Variants in IRAG2 observed in about 807,000 individuals in gnomAD.
IRAG2 encodes the protein inositol 1,4,5-triphosphate receptor associated 2, also known as lymphoid restricted membrane protein.
In IRAG2, 45 loss-of-function variants were observed where a neutral mutation model predicts 69.9. The observed-to-expected ratio is 0.64, with a 90% CI of 0.51 to 0.83. The LOEUF is 0.83. Ranked by LOEUF, IRAG2 falls within the 40% of genes least tolerant of loss-of-function variation. The pLI is 0.00. For missense variants in IRAG2, 520 were observed against 587.0 expected, an observed-to-expected ratio of 0.89 and a Z score of 1.18; for synonymous variants, 193 against 202.4, an observed-to-expected ratio of 0.95 and a Z score of 0.40.
intron 6 of IRAG2, among the ~76,000 whole-genome samples, chr12:25,017,738 A>G (rs938774180): frequency 2.0e-5 from 3 of 152,080 alleles, no homozygotes; most frequent in Non-Finnish European, 4.4e-5. Flanking sequence ...CCAACAAAAA[A>G]AAAACTTGAG....
chr12:25,074,676 T>G lies in IRAG2; in HGVS notation c.25-4568T>G, dbSNP rs185323490. Among the ~76,000 whole-genome samples the G allele has an allele frequency of 7.0e-4, 106 of 152,314 alleles. 2 individuals are homozygous for G. The highest frequency in any genetic ancestry group is 3.8e-3 in the Admixed American group (58 of 15,296). On this transcript the variant is annotated intron_variant, in intron 6 of 21. Transcript: ENST00000556887. ...GTCATATTTCCCAGAATCAGAATTA[T>G]CAGCAGCATGAAGGCCAGAGTATAT...
intron 6 of IRAG2, among the ~76,000 whole-genome samples, chr12:25,074,626 A>G (rs1190342973): frequency 6.6e-6 from 1 of 152,238 alleles, no homozygotes; most frequent in Admixed American, 6.5e-5. Flanking sequence ...GAATCATAGT[A>G]AAACCTCAAA....
chr12:25,003,187 C>G (rs1015156071), upstream of IRAG2, among the ~76,000 whole-genome samples: 2 of 151,350 alleles, frequency 1.3e-5, no homozygotes. Context: ...ATTGTTCATT[C>G]TCTATTAGGG....
At chr12:25,068,930 C>A (rs567422323) in intron 5 of IRAG2, among the ~76,000 whole-genome samples, 5 of 152,324 alleles carry the variant, frequency 3.3e-5, no homozygotes, top group African/African-American at 1.2e-4. Context: ...TCAAGGTTAA[C>A]AAGCCTTTGG....
intron 16 of IRAG2, among the ~76,000 whole-genome samples, chr12:25,038,310 G>T (rs568587558): frequency 6.6e-6 from 1 of 152,258 alleles, no homozygotes; most frequent in Admixed American, 6.5e-5. Context: ...GTATGAAATT[G>T]ACTTACATGT....
intron 16 of IRAG2, 34 bp downstream of exon 16, chr12:25,101,359 G>T: frequency 6.9e-7 from 1 of 1,457,670 alleles, no homozygotes; most frequent in Non-Finnish European, 9.2e-7. Flanking sequence ...TATTAGTTGT[G>T]TTTTTCTACA....
intron 17 of IRAG2, chr12:25,103,600 G>A: frequency 2.1e-6 from 1 of 471,748 alleles, no homozygotes; most frequent in South Asian, 3.4e-5. Context: ...TAAACAAATT[G>A]TATATTTGTT....
At chr12:25,105,045 A>G (rs1018311782) in intron 20 of IRAG2, among the ~76,000 whole-genome samples, 1 of 150,474 alleles carries the variant, frequency 6.6e-6, no homozygotes, top group Non-Finnish European at 1.5e-5. Context: ...GACATTAGAA[A>G]AAGTGCCTAA....
intron 1 of IRAG2, among the ~76,000 whole-genome samples, chr12:25,056,983 A>C (rs944978519): frequency 6.6e-6 from 1 of 151,504 alleles, no homozygotes; most frequent in African/African-American, 2.4e-5. Flanking sequence ...GTCCAATCAT[A>C]CTCCCTCCTG....
chr12:25,070,392 T>C (rs1163775353), intron 6 of IRAG2, among the ~76,000 whole-genome samples: 1 of 152,232 alleles, frequency 6.6e-6, no homozygotes. Flanking sequence ...TGTGCCCAGC[T>C]TCTTTCAGTT....
At chr12:25,025,539 G>A (rs1243589124) in intron 8 of IRAG2, among the ~76,000 whole-genome samples, 1 of 152,182 alleles carries the variant, frequency 6.6e-6, no homozygotes, top group Non-Finnish European at 1.5e-5. Flanking sequence ...AAACACTTGA[G>A]TGAGATGGGA....
At chr12:25,029,806 G>T (rs117138765) in intron 9 of IRAG2, among the ~76,000 whole-genome samples, 1 of 152,036 alleles carries the variant, frequency 6.6e-6, no homozygotes, top group Admixed American at 6.6e-5. Context: ...TCAGCCTCCC[G>T]AGTGCCTGAG....
intron 10 of IRAG2, among the ~76,000 whole-genome samples, chr12:25,030,529 G>A (rs1944661083): frequency 6.6e-6 from 1 of 152,126 alleles, no homozygotes; most frequent in Admixed American, 6.6e-5. Flanking sequence ...TGGGATTACA[G>A]GTGTTTTGCC....
chr12:25,035,988 T>C (rs140252361), intron 14 of IRAG2, among the ~76,000 whole-genome samples: 15 of 152,230 alleles, frequency 9.9e-5, no homozygotes, highest in African/African-American at 1.4e-4. Flanking sequence ...GGCTAACAGA[T>C]TGACCATTAG....
chr12:25,004,537 G>C (rs777557430), exon 1 of IRAG2: 17 of 1,232,002 alleles, frequency 1.4e-5, no homozygotes, highest in Non-Finnish European at 1.6e-5. Context: ...GAAAATGACT[G>C]CTGCTTGTGT....
intron 4 of IRAG2, among the ~76,000 whole-genome samples, chr12:25,064,514 T>C (rs1167845598): frequency 6.6e-6 from 1 of 152,186 alleles, no homozygotes; most frequent in African/African-American, 2.4e-5. Flanking sequence ...TTCCAAGAAG[T>C]GGTCAAAGTA....
At chr12:25,096,870 C>T (rs1948450820) in intron 14 of IRAG2, 40 bp from the exon 15 acceptor site, 1 of 1,553,832 alleles carries the variant, frequency 6.4e-7, no homozygotes, top group Non-Finnish European at 8.7e-7. Context: ...TCGCTGAATG[C>T]TTGTGTTAGA....
At chr12:25,077,244 T>TATATATGATATATATATGATATATATGAA (rs1565562566) in intron 6 of IRAG2, among the ~76,000 whole-genome samples, 10 of 63,890 alleles carry the variant, frequency 1.6e-4, no homozygotes, top group African/African-American at 3.6e-4. Flanking sequence ...ATATATGAAA[T>TATATATGATATATATATGATATATATGAA]ATATATATGA....
At chr12:25,077,266 A>AATATATATATCATATATATATGAAAT (rs57883311) in intron 6 of IRAG2, among the ~76,000 whole-genome samples, 81 of 32,792 alleles carry the variant, frequency 2.5e-3, no homozygotes, top group East Asian at 5.2e-3. Context: ...ATATATATGA[A>AATATATATATCATATATATATGAAAT]ATATATATGA....
Sources: allele counts gnomAD v4.1 joint callset (sites outside exome capture counted in the v4.1 genomes callset), GRCh38; gene constraint gnomAD v4.1.1; transcripts MANE v1.5; gene names NCBI Gene and HGNC (gene_info 2026-07-23, HGNC 2026-07-21).